PMS2: variants seen among roughly 807,000 people sequenced by gnomAD.
PMS2 encodes the protein PMS1 homolog 2, mismatch repair system component.
In PMS2, 69 loss-of-function variants were observed where a neutral mutation model predicts 90.0. The observed-to-expected ratio is 0.77, with a 90% confidence interval of 0.63 to 0.94. The LOEUF is 0.94. Among genes scored for constraint, PMS2 ranks in the 40% least tolerant of loss-of-function variants. The pLI, the probability that PMS2 is intolerant of heterozygous loss-of-function variation, is 0.00. For synonymous variants in PMS2, 332 were observed against 375.1 expected (o/e 0.89, Z 1.33); for missense variants, 966 against 1,040.2 (o/e 0.93, Z 0.98).
intron 1 of PMS2, 33 bp downstream of exon 1, chr7:6,008,964 A>T (rs762826304): frequency 6.2e-7 from 1 of 1,612,002 alleles, no homozygotes; most frequent in East Asian, 2.2e-5. Flanking sequence ...GGCGCGCGAG[A>T]GGGGACACCG....
intron 10 of PMS2, 98 bp downstream of exon 10, chr7:5,989,702 A>G: frequency 1.1e-6 from 1 of 869,602 alleles, no homozygotes; most frequent in Non-Finnish European, 1.9e-6. Flanking sequence ...AATATAAGAG[A>G]CTTTGTTTTC....
At chr7:5,983,964 T>C (rs1465359355) in intron 11 of PMS2, among the ~76,000 whole-genome samples, 1 of 151,928 alleles carries the variant, frequency 6.6e-6, no homozygotes, top group African/African-American at 2.4e-5. Flanking sequence ...CTTCATTCTT[T>C]TTAATGGCCA....
chr7:6,004,949 G>T (rs564132406), intron 2 of PMS2, among the ~76,000 whole-genome samples: 3 of 151,972 alleles, frequency 2.0e-5, no homozygotes, highest in Admixed American at 6.6e-5. Flanking sequence ...TCGTCACCCA[G>T]GCTGGAGTGC....
chr7:5,995,755 C>A, intron 7 of PMS2, 122 bp from the exon 8 acceptor site: 1 of 757,446 alleles, frequency 1.3e-6, no homozygotes. Flanking sequence ...TGATAAGGAT[C>A]ACTATTGCAG....
intron 14 of PMS2, among the ~76,000 whole-genome samples, chr7:5,976,034 A>T (rs1248972624): frequency 2.8e-5 from 4 of 144,586 alleles, no homozygotes; most frequent in Admixed American, 7.0e-5. Flanking sequence ...AGGTCAGGAG[A>T]TCAACACCAG....
At position 5,978,855 on chromosome 7, in the gene PMS2, G is replaced by A. The variant is rs575797516; in HGVS notation, c.2175-159C>T. ...AGCTAAGTGTCACAAAACTTCCTGA[G>A]AAGTTCCTTTTAATTTTCTCTTTCT... On this transcript the variant is annotated intron_variant, in intron 12 of 14. Coordinates refer to ENST00000265849, the MANE Select transcript of PMS2 (RefSeq NM_000535.7). 7.5e-4 allele frequency among the ~76,000 whole-genome samples: 112 copies of A among 149,398 alleles called. 7 individuals are homozygous for A. Among genetic ancestry groups the A allele is most frequent in the Non-Finnish European group, 1.3e-3 (89 of 67,590 alleles).
At chr7:5,976,938 G>C (rs1354306731) in intron 14 of PMS2, among the ~76,000 whole-genome samples, 1 of 127,160 alleles carries the variant, frequency 7.9e-6, no homozygotes, top group Non-Finnish European at 1.8e-5. Flanking sequence ...GACAGAGAGA[G>C]GAGGATCGCT....
intron 12 of PMS2, among the ~76,000 whole-genome samples, chr7:5,979,274 C>T (rs1283653610): frequency 6.9e-6 from 1 of 145,804 alleles, no homozygotes; most frequent in Non-Finnish European, 1.5e-5. Context: ...GCCTGTAATC[C>T]CAGCTACTCG....
intron 11 of PMS2, among the ~76,000 whole-genome samples, chr7:5,985,211 C>A (rs1479461184): frequency 2.0e-5 from 3 of 151,850 alleles, no homozygotes; most frequent in African/African-American, 7.3e-5. Flanking sequence ...GAGCCTCCTG[C>A]CTCAGCCCCC....
chr7:6,003,661 CAAGT>C (rs1785355218), intron 4 of PMS2, 25 bp downstream of exon 4: 1 of 1,163,950 alleles, frequency 8.6e-7, no homozygotes, highest in Non-Finnish European at 1.3e-6. Context: ...TCTAAGGGGT[CAAGT>C]GAGTGGATAA....
At position 5,997,370 on chromosome 7, in the gene PMS2, T is replaced by C. The variant is rs745720298; in HGVS notation, c.759A>G (p.Glu253=). ...CATCGGAACAGCTCAAACCGTACTC[T>C]TCACACACGGAGTCACTAGGGGGCA... ...VQLPPSDSVC[E]EYGLSCSDAL... is the part of the protein sequence containing the mutation. The change falls in exon 7 of 15, where the codon GAA becomes GAG. Residue 253 remains glutamate (E), a synonymous_variant. Coordinates refer to ENST00000265849, the MANE Select transcript of PMS2 (RefSeq NM_000535.7). The C allele has an allele frequency of 2.5e-6, 4 of 1,607,264 alleles. No individual in the cohort carries two copies. The highest frequency in any genetic ancestry group is 2.2e-5 in the South Asian group (2 of 90,772).
intron 10 of PMS2, among the ~76,000 whole-genome samples, chr7:5,989,104 C>A (rs1045120972): frequency 6.6e-6 from 1 of 152,134 alleles, no homozygotes; most frequent in Non-Finnish European, 1.5e-5. Context: ...CCCGCCTTGG[C>A]CTCCCAAAGT....
At chr7:6,002,949 T>A (rs1429249749) in intron 4 of PMS2, among the ~76,000 whole-genome samples, 1 of 152,234 alleles carries the variant, frequency 6.6e-6, no homozygotes, top group Non-Finnish European at 1.5e-5. Flanking sequence ...GTTTTGTTAT[T>A]ACTCTTCGAA....
At position 5,997,106 on chromosome 7, in the gene PMS2, C is replaced by G. The variant is rs910560399; in HGVS notation, c.803+220G>C. ...GCACGTGCCTGTAATCCCAGCTACT[C>G]AGGAGGCTGAGGCAGGAGAATTGCT... On this transcript the variant is annotated intron_variant, in intron 7 of 14. Transcript: ENST00000265849. Among the ~76,000 whole-genome samples, 3 of 151,686 alleles carry G rather than the reference C, an allele frequency of 2.0e-5. No homozygotes were observed. In the East Asian group the frequency reaches 5.8e-4, roughly 30 times the overall value.
chr7:5,981,621 C>G (rs1246864608), intron 12 of PMS2, among the ~76,000 whole-genome samples: 2 of 150,990 alleles, frequency 1.3e-5, no homozygotes, highest in Non-Finnish European at 2.9e-5. Flanking sequence ...TTTCTGAACA[C>G]ACACATTCCA....
chr7:5,988,157 G>C (rs1334748307), intron 10 of PMS2, among the ~76,000 whole-genome samples: 3 of 151,582 alleles, frequency 2.0e-5, no homozygotes, highest in Non-Finnish European at 4.4e-5. Context: ...CAAAGATCAG[G>C]ATCAAGAGGA....
chr7:5,985,058 T>A (rs557120718), intron 11 of PMS2, among the ~76,000 whole-genome samples: 1 of 151,152 alleles, frequency 6.6e-6, no homozygotes, highest in Admixed American at 6.6e-5. Flanking sequence ...TCAGGCAGAG[T>A]GCAATCAATC....
chr7:5,977,095 C>T (rs1416151141), intron 14 of PMS2, among the ~76,000 whole-genome samples: 1 of 150,420 alleles, frequency 6.6e-6, no homozygotes, highest in African/African-American at 2.4e-5. Flanking sequence ...CGCTCTGTCG[C>T]CCAGGTTGGA....
chr7:5,978,297 T>A, intron 13 of PMS2, among the ~76,000 whole-genome samples: 1 of 146,378 alleles, frequency 6.8e-6, no homozygotes. Context: ...TGAGACAGAG[T>A]TTCACTCTTG....
Sources: allele counts gnomAD v4.1 joint callset (sites outside exome capture counted in the v4.1 genomes callset), GRCh38; gene constraint gnomAD v4.1.1; transcripts MANE v1.5; gene names NCBI Gene and HGNC (gene_info 2026-07-23, HGNC 2026-07-21).